DIP2B: variants seen among roughly 807,000 people sequenced by gnomAD.
DIP2B encodes DIP2 acetate--CoA ligase B (putative), also known as disco-interacting protein 2 homolog B.
A neutral mutation model predicts 198.0 loss-of-function variants in DIP2B; 76 were observed. The observed-to-expected ratio is 0.38, with a 90% CI of 0.32 to 0.46. The LOEUF (loss-of-function observed/expected upper bound fraction) is 0.46. Among genes scored for constraint, DIP2B ranks in the 20% least tolerant of loss-of-function variants. The probability of loss-of-function intolerance (pLI) is 0.99; values close to 1 mark genes in which losing one functional copy is unlikely to be tolerated. For synonymous variants in DIP2B, 701 were observed against 739.1 expected (o/e 0.95, Z 0.84); for missense variants, 1,559 against 1,978.4 (o/e 0.79, Z 4.02).
intron 4 of DIP2B, among the ~76,000 whole-genome samples, chr12:50,661,597 C>G (rs1333165218): frequency 6.6e-6 from 1 of 152,156 alleles, no homozygotes. Context: ...CACAGTAAGA[C>G]AGTTTGTGTC....
At chr12:50,599,136 A>G (rs936305261) in intron 1 of DIP2B, among the ~76,000 whole-genome samples, 1 of 148,892 alleles carries the variant, frequency 6.7e-6, no homozygotes, top group Non-Finnish European at 1.5e-5. Flanking sequence ...CCAAAAAAAT[A>G]CAGAAATTAG....
intron 2 of DIP2B, among the ~76,000 whole-genome samples, chr12:50,628,808 A>T (rs1459206704): frequency 6.6e-6 from 1 of 152,074 alleles, no homozygotes; most frequent in East Asian, 1.9e-4. Flanking sequence ...TTGCCATCTA[A>T]TCTCAGTAGT....
chr12:50,574,637 A>G (rs1958642495), intron 1 of DIP2B, among the ~76,000 whole-genome samples: 1 of 152,244 alleles, frequency 6.6e-6, no homozygotes, highest in African/African-American at 2.4e-5. Context: ...CTAAGTGGCA[A>G]AGACATGCTA....
chr12:50,540,563 T>C (rs1958314803), intron 1 of DIP2B, among the ~76,000 whole-genome samples: 1 of 149,212 alleles, frequency 6.7e-6, no homozygotes, highest in Non-Finnish European at 1.5e-5. Flanking sequence ...TTTTTTTTTT[T>C]GTTGAGATGG....
chr12:50,682,429 A>C (rs1322110025), intron 9 of DIP2B, among the ~76,000 whole-genome samples: 1 of 152,080 alleles, frequency 6.6e-6, no homozygotes, highest in Non-Finnish European at 1.5e-5. Flanking sequence ...ATCGATCGAG[A>C]CCATCCTGGC....
intron 7 of DIP2B, 131 bp downstream of exon 7, chr12:50,675,579 T>C: frequency 1.1e-6 from 1 of 873,710 alleles, no homozygotes; most frequent in Non-Finnish European, 1.6e-6. Context: ...CATCATTTTC[T>C]GCTCTTTTTT....
intron 1 of DIP2B, among the ~76,000 whole-genome samples, chr12:50,552,011 A>G (rs1415721994): frequency 1.3e-5 from 2 of 152,146 alleles, no homozygotes; most frequent in African/African-American, 2.4e-5. Flanking sequence ...TGGCTGCACC[A>G]TTTTACAATC....
At chr12:50,703,772 C>G (rs1939463492) in intron 19 of DIP2B, among the ~76,000 whole-genome samples, 1 of 151,954 alleles carries the variant, frequency 6.6e-6, no homozygotes, top group African/African-American at 2.4e-5. Flanking sequence ...GTCCTGTCCC[C>G]CATGGAGTGG....
At chr12:50,690,040 T>C (rs1284374490) in intron 12 of DIP2B, among the ~76,000 whole-genome samples, 1 of 152,142 alleles carries the variant, frequency 6.6e-6, no homozygotes, top group Non-Finnish European at 1.5e-5. Flanking sequence ...ATCAAACTCC[T>C]ATTCTACTCT....
At chr12:50,640,433 T>G (rs1938235319) in intron 2 of DIP2B, among the ~76,000 whole-genome samples, 1 of 152,192 alleles carries the variant, frequency 6.6e-6, no homozygotes, top group Non-Finnish European at 1.5e-5. Context: ...TGCAGTCAAC[T>G]CCCCATCAGT....
intron 1 of DIP2B, among the ~76,000 whole-genome samples, chr12:50,560,609 A>G (rs1344552193): frequency 2.7e-5 from 4 of 150,070 alleles, no homozygotes; most frequent in East Asian, 2.0e-4. Context: ...AAATCAGCCA[A>G]GCGTGGTGGT....
rs1174126319 is a variant in DIP2B, at chr12:50,545,762, A to G, written c.100+40522A>G. On this transcript the variant is annotated intron_variant, in intron 1 of 37. Coordinates refer to ENST00000301180, the MANE Select transcript of DIP2B (RefSeq NM_173602.3). Reference sequence around the variant, plus strand: ...GTGATTCTCCTGCCTCTGACTCCCAAGTAGCTGAGATTACAGGCGTGTGCC... The same window carrying G: ...GTGATTCTCCTGCCTCTGACTCCCAGGTAGCTGAGATTACAGGCGTGTGCC... Among the ~76,000 whole-genome samples the G allele has an allele frequency of 2.0e-5, 3 of 151,208 alleles. No individual in the cohort carries two copies. The Admixed American group carries it at 2.0e-4, about 10-fold the overall frequency.
At chr12:50,668,243 G>A (rs1938790420) in intron 4 of DIP2B, among the ~76,000 whole-genome samples, 2 of 152,126 alleles carry the variant, frequency 1.3e-5, no homozygotes, top group African/African-American at 2.4e-5. Context: ...AGTCCCATAA[G>A]AATAGGGACT....
At chr12:50,601,540 G>A (rs1203352563) in intron 1 of DIP2B, among the ~76,000 whole-genome samples, 1 of 151,974 alleles carries the variant, frequency 6.6e-6, no homozygotes, top group Non-Finnish European at 1.5e-5. Context: ...GGGTTTCACT[G>A]TGTTAGCCAG....
chr12:50,728,091 G>T (rs1939968698), intron 29 of DIP2B, among the ~76,000 whole-genome samples: 2 of 152,202 alleles, frequency 1.3e-5, no homozygotes. Flanking sequence ...ATCATAAAAT[G>T]CAGTATTCGC....
chr12:50,607,726 C>G (rs1294023876), intron 1 of DIP2B, among the ~76,000 whole-genome samples: 1 of 152,206 alleles, frequency 6.6e-6, no homozygotes, highest in Non-Finnish European at 1.5e-5. Flanking sequence ...ACAGCAAGCT[C>G]TTAGTCTGAA....
intron 1 of DIP2B, among the ~76,000 whole-genome samples, chr12:50,538,080 G>C (rs1480474083): frequency 6.6e-6 from 1 of 152,130 alleles, no homozygotes; most frequent in African/African-American, 2.4e-5. Flanking sequence ...AGTCTTCATA[G>C]GGCTAAGGGA....
intron 1 of DIP2B, among the ~76,000 whole-genome samples, chr12:50,559,709 C>CACACACACA (rs148691581): frequency 7.2e-6 from 1 of 139,520 alleles, no homozygotes; most frequent in African/African-American, 2.7e-5. Flanking sequence ...GTGACAGAAA[C>CACACACACA]CACACACACA....
chr12:50,657,457 G>A (rs906053586), intron 3 of DIP2B, among the ~76,000 whole-genome samples: 1 of 152,096 alleles, frequency 6.6e-6, no homozygotes, highest in Non-Finnish European at 1.5e-5. Flanking sequence ...TGTTACCATA[G>A]TGGAGCAGAC....
Sources: gnomAD v4.1 joint callset for allele counts (sites outside exome capture counted in the v4.1 genomes callset) on GRCh38, gnomAD v4.1.1 for gene constraint, MANE v1.5 for transcripts, NCBI Gene and HGNC (gene_info 2026-07-23, HGNC 2026-07-21) for gene names.